Variants in CCDC169 observed in about 807,000 individuals in gnomAD.
CCDC169 encodes the protein coiled-coil domain-containing protein 169.
CCDC169 carries 30 observed loss-of-function variants against 36.0 expected under a neutral mutation model. The observed-to-expected ratio is 0.83, with a 90% CI of 0.62 to 1.13. CCDC169 has a LOEUF of 1.13. Ranked by LOEUF, CCDC169 falls within the 50% of genes most tolerant of loss-of-function variation. CCDC169 has a pLI of 0.00. For missense variants in CCDC169, 245 were observed against 245.9 expected (o/e 1.00, Z 0.03); for synonymous variants, 85 against 81.5 (o/e 1.04, Z -0.23).
At chr13:36,276,766 G>C (rs1331880039) in intron 4 of CCDC169, among the ~76,000 whole-genome samples, 1 of 151,908 alleles carries the variant, frequency 6.6e-6, no homozygotes, top group East Asian at 1.9e-4. Context: ...GGATATGGTG[G>C]GGCTTGTTGA....
intron 2 of CCDC169, among the ~76,000 whole-genome samples, chr13:36,285,603 A>ATAGC (rs1555254452): frequency 6.1e-5 from 9 of 148,262 alleles, no homozygotes; most frequent in African/African-American, 1.5e-4. Context: ...AGATAGATAG[A>ATAGC]TAGATAGATA....
chr13:36,230,720 G>T, downstream of CCDC169: 1 of 966,758 alleles, frequency 1.0e-6, no homozygotes, highest in Non-Finnish European at 1.2e-6. Flanking sequence ...AAGATTGAAG[G>T]TTGTTCTACG....
chr13:36,259,053 T>C (rs1874282368), intron 4 of CCDC169, among the ~76,000 whole-genome samples: 1 of 152,160 alleles, frequency 6.6e-6, no homozygotes, highest in Admixed American at 6.5e-5. Context: ...GTTCCTGTGC[T>C]GGGGCCCTGC....
chr13:36,268,854 C>T (rs139841865), intron 4 of CCDC169, among the ~76,000 whole-genome samples: 2,193 of 152,224 alleles, frequency 0.014, 23 homozygotes, highest in Middle Eastern at 0.02. Context: ...CCTGTAATCC[C>T]AGCACTTTGG....
intron 1 of CCDC169, among the ~76,000 whole-genome samples, 161 bp from the exon 2 acceptor site, chr13:36,296,018 A>G (rs1162010105): frequency 6.6e-6 from 1 of 152,206 alleles, no homozygotes; most frequent in African/African-American, 2.4e-5. Context: ...AAGGCTTCCA[A>G]TTAGTCAGTT....
intron 7 of CCDC169, among the ~76,000 whole-genome samples, chr13:36,237,913 C>T (rs867182961): frequency 6.6e-6 from 1 of 152,160 alleles, no homozygotes; most frequent in African/African-American, 2.4e-5. Flanking sequence ...GAGCAAGAGG[C>T]TATACCATAT....
At chr13:36,296,240 C>T (rs950658885) in intron 1 of CCDC169, among the ~76,000 whole-genome samples, 4 of 152,196 alleles carry the variant, frequency 2.6e-5, no homozygotes, top group Middle Eastern at 3.4e-3. Flanking sequence ...TACAGGCATG[C>T]GCCACCAAGC....
At chr13:36,249,582 C>G (rs1872895858) in intron 6 of CCDC169, among the ~76,000 whole-genome samples, 1 of 152,060 alleles carries the variant, frequency 6.6e-6, no homozygotes, top group African/African-American at 2.4e-5. Context: ...TGAAGTTTGG[C>G]TGAGAAAAAG....
intron 1 of CCDC169, 96 bp downstream of exon 1, chr13:36,297,541 C>T: frequency 8.0e-7 from 1 of 1,252,734 alleles, no homozygotes; most frequent in Non-Finnish European, 1.1e-6. Context: ...CGGCGCCGGT[C>T]TTACAGCACC....
chr13:36,235,293 A>C (rs1435433177), intron 7 of CCDC169, among the ~76,000 whole-genome samples: 1 of 151,912 alleles, frequency 6.6e-6, no homozygotes, highest in Admixed American at 6.6e-5. Context: ...ATAAAAATGA[A>C]ATAGGAGAGA....
chr13:36,253,773 A>C, intron 6 of CCDC169, 30 bp downstream of exon 6: 1 of 1,537,172 alleles, frequency 6.5e-7, no homozygotes, highest in Non-Finnish European at 8.7e-7. Context: ...AAGAAGAAAC[A>C]CTTAGAATTT....
intron 7 of CCDC169, among the ~76,000 whole-genome samples, chr13:36,247,798 A>G (rs144496236): frequency 1.4e-3 from 214 of 152,358 alleles, no homozygotes; most frequent in African/African-American, 5.1e-3. Context: ...AGAATATTCT[A>G]TGGACTTGGT....
intron 4 of CCDC169, among the ~76,000 whole-genome samples, chr13:36,269,320 G>A (rs1875746460): frequency 1.3e-5 from 2 of 152,086 alleles, no homozygotes; most frequent in Non-Finnish European, 2.9e-5. Context: ...GGACCAGATG[G>A]ATTCACAGCT....
downstream of CCDC169, chr13:36,223,744 T>C (rs1869728697): frequency 1.3e-5 from 2 of 152,128 alleles, no homozygotes; most frequent in South Asian, 4.1e-4. Context: ...AAATATTAAA[T>C]TAGTATCTAT....
At chr13:36,249,934 A>G (rs1053711831) in intron 6 of CCDC169, among the ~76,000 whole-genome samples, 3 of 147,184 alleles carry the variant, frequency 2.0e-5, no homozygotes, top group Admixed American at 7.0e-5. Flanking sequence ...GTTTGGGTAT[A>G]TTGGAACAGA....
chr13:36,289,707 T>C (rs1406508587), intron 2 of CCDC169, among the ~76,000 whole-genome samples: 1 of 152,196 alleles, frequency 6.6e-6, no homozygotes, highest in Non-Finnish European at 1.5e-5. Context: ...TTTTAACTGC[T>C]TAGAAAAACT....
chr13:36,272,911 T>G (rs1250007053), intron 4 of CCDC169, among the ~76,000 whole-genome samples: 2 of 152,186 alleles, frequency 1.3e-5, no homozygotes, highest in Admixed American at 1.3e-4. Context: ...TGTGTTCATC[T>G]TCAACTGTCT....
chr13:36,226,773 A>G (rs1176903499), downstream of CCDC169: 5 of 199,950 alleles, frequency 2.5e-5, no homozygotes, highest in Non-Finnish European at 5.0e-5. Flanking sequence ...GACAGCAACA[A>G]TAGACACTGG....
At chr13:36,283,430 C>T in intron 4 of CCDC169, 39 bp downstream of exon 4, 1 of 1,511,958 alleles carries the variant, frequency 6.6e-7, no homozygotes, top group Non-Finnish European at 8.9e-7. Flanking sequence ...ACATAATTTC[C>T]TTCAATTATT....
Sources: gnomAD v4.1 joint callset for allele counts (sites outside exome capture counted in the v4.1 genomes callset) on GRCh38, gnomAD v4.1.1 for gene constraint, MANE v1.5 for transcripts, NCBI Gene and HGNC (gene_info 2026-07-23, HGNC 2026-07-21) for gene names.